BEND2: variants seen among roughly 807,000 people sequenced by gnomAD.
The protein encoded by BEND2 is BEN domain-containing protein 2.
Under a neutral mutation model 43.8 loss-of-function variants are expected in BEND2, and 19 were observed. The observed-to-expected ratio is 0.43, with a 90% CI of 0.30 to 0.64. The LOEUF is 0.64. Among genes scored for constraint, BEND2 ranks in the 30% least tolerant of loss-of-function variants. The pLI is 0.11. For missense variants in BEND2, 544 were observed against 574.0 expected, an observed-to-expected ratio of 0.95 and a Z score of 0.53; for synonymous variants, 226 against 210.1, an observed-to-expected ratio of 1.08 and a Z score of -0.66.
chrX:18,174,225 G>A lies in BEND2; in HGVS notation c.1786C>T (p.Arg596Cys), dbSNP rs750822250. 12 of 1,210,875 alleles carry A rather than the reference G, an allele frequency of 9.9e-6. No individual in the cohort carries two copies. Among genetic ancestry groups the A allele is most frequent in the East Asian group, 5.9e-5 (2 of 33,818 alleles). The change falls in exon 12 of 14, where the codon CGT becomes TGT. Residue 596 changes from arginine (R) to cysteine (C), a missense_variant. Physicochemically the swap from Arg to Cys is radical, Grantham distance 180. Around this residue, in one of 2 missense-constraint regions of BEND2, gnomAD observed 501 missense variants for 501.6 expected, o/e 1.00. Coordinates refer to ENST00000380033, the MANE Select transcript of BEND2 (RefSeq NM_153346.5). ...TVRKNKKRTN[R>C]VASASADRND... ...CTATCTGCAGATGCCGATGCAACACGGTTGGTACGTTTTTTATTTTTGCGA... is the reference window on the plus strand; with the variant it reads ...CTATCTGCAGATGCCGATGCAACACAGTTGGTACGTTTTTTATTTTTGCGA...
intron 13 of BEND2, 109 bp from the exon 14 acceptor site, chrX:18,165,332 C>A (rs188974579): frequency 1.6e-6 from 1 of 612,206 alleles, no homozygotes; most frequent in African/African-American, 2.2e-5. Context: ...ATCATTAACA[C>A]TTTAATTAAA....
chrX:18,178,236 C>G (rs1422787677), intron 9 of BEND2, among the ~76,000 whole-genome samples: 1 of 111,813 alleles, frequency 8.9e-6, no homozygotes, highest in African/African-American at 3.2e-5. Flanking sequence ...AAATAGCTAG[C>G]ATTTATCAGT....
chrX:18,165,296 C>T, intron 13 of BEND2, 73 bp from the exon 14 acceptor site: 1 of 834,903 alleles, frequency 1.2e-6, no homozygotes, highest in Non-Finnish European at 1.8e-6. Context: ...ATTCAACTTT[C>T]ATTCTACTAC....
At chrX:18,190,921 A>G in intron 8 of BEND2, 80 bp downstream of exon 8, 1 of 851,138 alleles carries the variant, frequency 1.2e-6, no homozygotes. Context: ...GAAACTGGGT[A>G]AAGGTACACA....
At chrX:18,214,810 C>CAAAAAAAAAAAAAA (rs58814498) in intron 2 of BEND2, among the ~76,000 whole-genome samples, 2 of 35,439 alleles carry the variant, frequency 5.6e-5, no homozygotes, top group African/African-American at 1.2e-4. Context: ...GACTCTGTCT[C>CAAAAAAAAAAAAAA]AAAAAAAAAA....
intron 13 of BEND2, among the ~76,000 whole-genome samples, chrX:18,166,108 G>T (rs1923815699): frequency 8.9e-6 from 1 of 112,023 alleles, no homozygotes; most frequent in African/African-American, 3.2e-5. Context: ...GGTTTTTGTG[G>T]TATGTCACTG....
intron 8 of BEND2, 82 bp from the exon 9 acceptor site, chrX:18,180,732 A>G (rs1023645136): frequency 1.5e-6 from 1 of 688,096 alleles, no homozygotes; most frequent in African/African-American, 2.2e-5. Flanking sequence ...ACACTCTCAG[A>G]CAAAAGAAAA....
Position 18,189,414 on chromosome X carries a change from T to C in BEND2, c.1288+1587A>G, listed in dbSNP as rs1167017538. On this transcript the variant is annotated intron_variant, in intron 8 of 13. Transcript: ENST00000380033. Reference sequence around the variant, plus strand: ...AGTCCCAGCTACTTGGGAGGCTGAGTTGGGAGGATCTTTTGAGCCTGAGGG... The same window carrying C: ...AGTCCCAGCTACTTGGGAGGCTGAGCTGGGAGGATCTTTTGAGCCTGAGGG... Among the ~76,000 whole-genome samples the C allele has an allele frequency of 3.7e-5, 4 of 108,564 alleles. No individual in the cohort carries two copies. The East Asian group carries it at 1.2e-3, about 32-fold the overall frequency. 94.3% of individuals were successfully genotyped at this position (108,564 alleles called of 115,157 possible). A position where few individuals can be genotyped will look rare whatever the true frequency, so the allele number is the denominator to read the frequency against.
At position 18,190,963 on chromosome X, in the gene BEND2, A is replaced by G. The variant is rs1602040597; in HGVS notation, c.1288+38T>C. 5.5e-6 allele frequency: 6 copies of G among 1,096,039 alleles called. No individual in the cohort carries two copies. In the East Asian group the frequency reaches 1.8e-4, roughly 33 times the overall value. The allele number at this position is 1,096,039 out of a possible 1,213,427, so 90.3% of individuals were successfully genotyped here. A position where few individuals can be genotyped will look rare whatever the true frequency, so the allele number is the denominator to read the frequency against. On this transcript the variant is annotated intron_variant, in intron 8 of 13. Coordinates refer to ENST00000380033, the MANE Select transcript of BEND2 (RefSeq NM_153346.5). ...CTCTGTATTCTTTCAATCTAGATTAAAGAGTGCTACTTGTAACATATATCA... is the reference window on the plus strand; with the variant it reads ...CTCTGTATTCTTTCAATCTAGATTAGAGAGTGCTACTTGTAACATATATCA...
intron 13 of BEND2, among the ~76,000 whole-genome samples, chrX:18,166,331 C>T (rs1923820844): frequency 9.0e-6 from 1 of 111,578 alleles, no homozygotes; most frequent in Non-Finnish European, 1.9e-5. Context: ...GAACACTAGT[C>T]ATAAAAGAAG....
chrX:18,203,482 T>C lies in BEND2; in HGVS notation c.907+19A>G. The C allele has an allele frequency of 8.4e-7, 1 of 1,186,032 alleles. No homozygotes were observed. Among genetic ancestry groups the C allele is most frequent in the South Asian group, 1.8e-5 (1 of 54,469 alleles). ...AGATTGAAGAATGCTATCTGTAATA[T>C]GTGTCATTTCAAACTCACCCAAATT... On this transcript the variant is annotated intron_variant, in intron 5 of 13. Transcript: ENST00000380033.
At chrX:18,208,007 G>A (rs1025908388) in intron 4 of BEND2, among the ~76,000 whole-genome samples, 8 of 99,587 alleles carry the variant, frequency 8.0e-5, no homozygotes, top group African/African-American at 3.0e-4. Flanking sequence ...CAATAAGAGC[G>A]AAATTCTGTC....
chrX:18,186,598 T>C lies in BEND2; in HGVS notation c.1288+4403A>G, dbSNP rs747659187. On this transcript the variant is annotated intron_variant, in intron 8 of 13. Coordinates refer to ENST00000380033, the MANE Select transcript of BEND2 (RefSeq NM_153346.5). ...GTTGGTTTGTGCAATCAGTGTTAAG[T>C]TGTCATTAGTTTACAATAATGGGTT... Among the ~76,000 whole-genome samples the C allele has an allele frequency of 6.4e-5, 7 of 110,146 alleles. No homozygotes were observed. In the South Asian group the frequency reaches 2.7e-3, roughly 43 times the overall value.
chrX:18,211,333 A>T (rs1925494065), intron 4 of BEND2, among the ~76,000 whole-genome samples: 1 of 112,157 alleles, frequency 8.9e-6, no homozygotes, highest in African/African-American at 3.2e-5. Context: ...GCAATTTCTC[A>T]TAAACTTTCA....
At chrX:18,200,058 T>C (rs895560576) in intron 6 of BEND2, among the ~76,000 whole-genome samples, 1 of 111,832 alleles carries the variant, frequency 8.9e-6, no homozygotes, top group Non-Finnish European at 1.9e-5. Flanking sequence ...TGAAAACTTA[T>C]ATTTACAGAA....
chrX:18,181,279 C>A (rs34413440), intron 8 of BEND2, among the ~76,000 whole-genome samples: 2,852 of 110,631 alleles, frequency 0.026, 59 homozygotes, highest in Middle Eastern at 0.064. Context: ...GGGTTAAGCA[C>A]CTAAGAGTGA....
Position 18,220,726 on chromosome X carries a change from C to T in BEND2, c.25G>A (p.Asp9Asn). The T allele has an allele frequency of 8.3e-7, 1 of 1,210,834 alleles. No individual in the cohort carries two copies. ...GCCAGTTGAGGCGAGGTCACTTTAC[C>T]CTGTTCCTGGGTCCTCTCTGACATC... is the stretch of plus-strand genomic sequence containing the variant. Reference protein sequence around the residue: MSERTQEQDFVIITVDDSD... With the variant: MSERTQEQNFVIITVDDSD... The change falls in exon 1 of 14, where the codon GAT becomes AAT. Residue 9 changes from aspartate to asparagine, a missense_variant and splice_region_variant. Physicochemically the swap from Asp to Asn is conservative, Grantham distance 23. This residue lies in a region of BEND2 where 501 missense variants were observed against 501.6 expected (regional missense o/e 1.00). Coordinates refer to ENST00000380033, the MANE Select transcript of BEND2 (RefSeq NM_153346.5).
chrX:18,181,188 C>T (rs909061211), intron 8 of BEND2, among the ~76,000 whole-genome samples: 38 of 111,620 alleles, frequency 3.4e-4, no homozygotes, highest in Non-Finnish European at 7.0e-4. Flanking sequence ...AAAACAATTA[C>T]TACATTTGTA....
chrX:18,177,174 C>G (rs1376441118), intron 10 of BEND2, among the ~76,000 whole-genome samples: 1 of 108,065 alleles, frequency 9.3e-6, no homozygotes, highest in Non-Finnish European at 1.9e-5. Flanking sequence ...AATTCTATTT[C>G]TGTGTTGCTA....
Sources: gnomAD v4.1 joint callset for allele counts (sites outside exome capture counted in the v4.1 genomes callset) on GRCh38, gnomAD v4.1.1 for gene constraint, gnomAD v4.1.1 regional missense constraint, MANE v1.5 for transcripts, NCBI Gene and HGNC (gene_info 2026-07-23, HGNC 2026-07-21) for gene names.